ARFGEF1: variants seen among roughly 807,000 people sequenced by gnomAD.
ARFGEF1 encodes the protein ARF guanine nucleotide exchange factor 1.
Under a neutral mutation model 231.0 loss-of-function variants are expected in ARFGEF1, and 42 were observed. The observed-to-expected ratio is 0.18, with a 90% CI of 0.14 to 0.24. The LOEUF (loss-of-function observed/expected upper bound fraction) is 0.24. Ranked by LOEUF, ARFGEF1 falls within the 10% of genes least tolerant of loss-of-function variation. The pLI, the probability that ARFGEF1 is intolerant of heterozygous loss-of-function variation, is 1.00. For missense variants in ARFGEF1, 1,345 were observed against 2,192.0 expected, an observed-to-expected ratio of 0.61 and a Z score of 7.72; for synonymous variants, 710 against 732.3, an observed-to-expected ratio of 0.97 and a Z score of 0.49.
chr8:67,257,621 G>A, intron 17 of ARFGEF1, 111 bp downstream of exon 17: 1 of 844,276 alleles, frequency 1.2e-6, no homozygotes. Flanking sequence ...CCCAAATATG[G>A]TGACTGGTTT....
rs1433709600 is a variant in ARFGEF1 at position 67,218,206 on chromosome 8, AAATATATAT to A, written c.4339-77_4339-69del. 3.4e-4 allele frequency: 60 copies of A among 174,964 alleles called. 1 individual carries two copies. Among genetic ancestry groups the A allele is most frequent in the African/African-American group, 1.8e-3 (43 of 23,738 alleles). 10.8% of individuals were successfully genotyped at this position (174,964 alleles called of 1,614,324 possible). ...CTACTATGATTAAAAAAAAAAAAAAAAATATATATATATATATATATATATATAAATGTT... is the reference window on the plus strand; with the variant it reads ...CTACTATGATTAAAAAAAAAAAAAAAATATATATATATATATATAAATGTT... On this transcript the variant is annotated intron_variant, in intron 30 of 38. Transcript: ENST00000262215.
chr8:67,235,430 A>T (rs573152360), intron 22 of ARFGEF1, among the ~76,000 whole-genome samples: 1 of 152,216 alleles, frequency 6.6e-6, no homozygotes, highest in African/African-American at 2.4e-5. Context: ...TAGAGAGGGC[A>T]TATTTAGGTT....
intron 36 of ARFGEF1, chr8:67,201,830 G>A (rs1453145339): frequency 2.0e-6 from 1 of 502,364 alleles, no homozygotes; most frequent in Non-Finnish European, 3.4e-6. Context: ...TGGGAAGGTG[G>A]AACCCTTCAC....
At chr8:67,326,150 A>G (rs1807822249) in intron 1 of ARFGEF1, among the ~76,000 whole-genome samples, 1 of 152,226 alleles carries the variant, frequency 6.6e-6, no homozygotes, top group Non-Finnish European at 1.5e-5. Context: ...GTGAGCTGAG[A>G]TTGTGCCACT....
intron 5 of ARFGEF1, chr8:67,190,615 A>G (rs1327162986): frequency 1.3e-6 from 2 of 1,503,924 alleles, no homozygotes; most frequent in African/African-American, 2.8e-5. Flanking sequence ...TTGAAGCAGT[A>G]TTAAGACTCC....
At chr8:67,202,079 T>G (rs1025300395) in intron 36 of ARFGEF1, among the ~76,000 whole-genome samples, 2 of 152,200 alleles carry the variant, frequency 1.3e-5, no homozygotes, top group African/African-American at 4.8e-5. Flanking sequence ...GACTACTCTT[T>G]CCAGAAGTTA....
At chr8:67,343,050 C>T in intron 1 of ARFGEF1, 114 bp downstream of exon 1, 3 of 1,272,728 alleles carry the variant, frequency 2.4e-6, no homozygotes, top group Middle Eastern at 2.8e-4. Context: ...GAGGGCTTCC[C>T]GAGGTCAGAG....
chr8:67,331,861 T>C (rs17842083), intron 1 of ARFGEF1, among the ~76,000 whole-genome samples: 163 of 152,330 alleles, frequency 1.1e-3, no homozygotes, highest in African/African-American at 3.6e-3. Context: ...AGCACAGGTA[T>C]ACTATGTATG....
chr8:67,177,147 A>G (rs554177500), intron 5 of ARFGEF1, among the ~76,000 whole-genome samples: 1 of 152,226 alleles, frequency 6.6e-6, no homozygotes, highest in African/African-American at 2.4e-5. Context: ...ATATCTGAGA[A>G]GGAATACAGG....
At chr8:67,209,781 T>TG (rs1838657151) in intron 34 of ARFGEF1, among the ~76,000 whole-genome samples, 1 of 151,942 alleles carries the variant, frequency 6.6e-6, no homozygotes, top group Admixed American at 6.6e-5. Context: ...GACAGGGGTG[T>TG]GGGCAGCAGT....
intron 6 of ARFGEF1, among the ~76,000 whole-genome samples, chr8:67,291,394 TTTG>T (rs1222087120): frequency 6.6e-6 from 1 of 151,244 alleles, no homozygotes; most frequent in Non-Finnish European, 1.5e-5. Flanking sequence ...ACTCAAAAAC[TTTG>T]TTTTTATATT....
Position 67,343,387 on chromosome 8 carries a change from G to A in ARFGEF1, c.-100C>T. 2.0e-6 allele frequency: 3 copies of A among 1,510,780 alleles called. No homozygotes were observed. The highest frequency in any genetic ancestry group is 1.8e-6 in the Non-Finnish European group (2 of 1,126,812). 93.6% of individuals were successfully genotyped at this position (1,510,780 alleles called of 1,614,324 possible). A position where few individuals can be genotyped will look rare whatever the true frequency, so the allele number is the denominator to read the frequency against. On this transcript the variant is annotated 5_prime_UTR_variant, in exon 1 of 39. Transcript: ENST00000262215. ...GGAAGAGAAGAGAGAAAGGAGAGGG[G>A]GTGGAGGTGGGGGATTGGAGGCGTG...
chr8:67,311,069 G>A (rs1240043027), intron 1 of ARFGEF1, among the ~76,000 whole-genome samples: 12 of 148,718 alleles, frequency 8.1e-5, no homozygotes, highest in African/African-American at 3.0e-4. Flanking sequence ...GGGAAGTGAG[G>A]AGCCCCTCTG....
intron 18 of ARFGEF1, 98 bp downstream of exon 18, chr8:67,253,353 T>C: frequency 1.2e-6 from 1 of 850,632 alleles, no homozygotes; most frequent in South Asian, 2.8e-5. Context: ...CTGGGGACTA[T>C]AAATGCAAAC....
At chr8:67,277,533 A>C in intron 7 of ARFGEF1, 76 bp from the exon 8 acceptor site, 1 of 1,369,382 alleles carries the variant, frequency 7.3e-7, no homozygotes, top group Non-Finnish European at 1.0e-6. Context: ...CAGAGTATTT[A>C]AAATGAAACA....
intron 1 of ARFGEF1, among the ~76,000 whole-genome samples, chr8:67,336,028 C>G (rs1166199827): frequency 2.0e-5 from 3 of 152,210 alleles, no homozygotes; most frequent in African/African-American, 7.2e-5. Context: ...GGATTACAGG[C>G]GTGAGCCACC....
At chr8:67,322,568 G>T (rs1807646496) in intron 1 of ARFGEF1, among the ~76,000 whole-genome samples, 1 of 152,140 alleles carries the variant, frequency 6.6e-6, no homozygotes, top group South Asian at 2.1e-4. Context: ...AGGCATGATG[G>T]CATGTGACTA....
At chr8:67,270,669 G>A (rs549784937) in intron 10 of ARFGEF1, among the ~76,000 whole-genome samples, 101 of 139,324 alleles carry the variant, frequency 7.2e-4, no homozygotes, top group Non-Finnish European at 1.5e-3. Flanking sequence ...CTATTTTTAA[G>A]TTTTATTTGA....
At chr8:67,219,194 T>C (rs1839063417) in intron 30 of ARFGEF1, among the ~76,000 whole-genome samples, 1 of 152,194 alleles carries the variant, frequency 6.6e-6, no homozygotes, top group African/African-American at 2.4e-5. Context: ...CTCAAACCCC[T>C]GACCTGAGAT....
Sources: gnomAD v4.1 joint callset for allele counts (sites outside exome capture counted in the v4.1 genomes callset) on GRCh38, gnomAD v4.1.1 for gene constraint, MANE v1.5 for transcripts, NCBI Gene and HGNC (gene_info 2026-07-23, HGNC 2026-07-21) for gene names.